RIPOR2: variants seen among roughly 807,000 people sequenced by gnomAD.
The protein encoded by RIPOR2 is rho family-interacting cell polarization regulator 2.
A neutral mutation model predicts 114.5 loss-of-function variants in RIPOR2; 39 were observed. The observed-to-expected ratio is 0.34, with a 90% CI of 0.26 to 0.44. RIPOR2 has a LOEUF of 0.44. Among genes scored for constraint, RIPOR2 ranks in the 20% least tolerant of loss-of-function variants. RIPOR2 has a pLI of 1.00. For missense variants in RIPOR2, 1,007 were observed against 1,255.1 expected (o/e 0.80, Z 2.99); for synonymous variants, 445 against 484.4 (o/e 0.92, Z 1.07).
chr6:25,004,672 C>G (rs1050414377), intron 1 of RIPOR2, among the ~76,000 whole-genome samples: 1 of 152,162 alleles, frequency 6.6e-6, no homozygotes, highest in Non-Finnish European at 1.5e-5. Flanking sequence ...GAACTGGAGG[C>G]AGAAAACTGA....
chr6:24,969,316 C>T (rs140680906), intron 1 of RIPOR2, among the ~76,000 whole-genome samples: 9 of 152,304 alleles, frequency 5.9e-5, no homozygotes, highest in Admixed American at 3.9e-4. Flanking sequence ...GAAATGCAGA[C>T]TCTCAGGCCC....
At chr6:24,860,420 T>C (rs370723487) in intron 8 of RIPOR2, among the ~76,000 whole-genome samples, 16 of 152,300 alleles carry the variant, frequency 1.1e-4, no homozygotes, top group Middle Eastern at 3.4e-3. Flanking sequence ...GGGATCCTAA[T>C]TTGAACTAAT....
intron 17 of RIPOR2, 141 bp downstream of exon 17, chr6:24,830,366 TAC>T: frequency 1.6e-6 from 1 of 644,162 alleles, no homozygotes; most frequent in South Asian, 1.9e-5. Context: ...CCCTGGACAG[TAC>T]ACTTCTTTTT....
At chr6:24,889,271 G>T (rs926685278) in intron 1 of RIPOR2, among the ~76,000 whole-genome samples, 3 of 152,124 alleles carry the variant, frequency 2.0e-5, no homozygotes, top group African/African-American at 7.2e-5. Flanking sequence ...GAAGGTTAAA[G>T]AATTTATGTG....
At chr6:24,927,209 C>T (rs1337898213) in intron 1 of RIPOR2, among the ~76,000 whole-genome samples, 177 of 4,572 alleles carry the variant, frequency 0.039, 74 homozygotes, top group Admixed American at 0.15. Flanking sequence ...ACAAGCACCA[C>T]CACCACCACT....
chr6:24,888,093 A>G (rs912798641), intron 1 of RIPOR2, among the ~76,000 whole-genome samples: 3 of 152,196 alleles, frequency 2.0e-5, no homozygotes, highest in African/African-American at 7.2e-5. Flanking sequence ...TGTAATAATA[A>G]GTACATTTAC....
intron 13 of RIPOR2, chr6:24,839,784 C>T: frequency 1.5e-6 from 2 of 1,378,040 alleles, no homozygotes; most frequent in African/African-American, 1.5e-5. Context: ...ACTGACCAAT[C>T]TCTAATTCCA....
At chr6:24,984,831 C>A (rs1317694040) in intron 1 of RIPOR2, among the ~76,000 whole-genome samples, 1 of 152,080 alleles carries the variant, frequency 6.6e-6, no homozygotes, top group African/African-American at 2.4e-5. Flanking sequence ...GAAAAGAGGG[C>A]CTTATGGTCC....
rs6940388 is a variant in RIPOR2 at position 25,035,572 on chromosome 6, G to A, written c.76+6279C>T. ...GGGACACTTGGGTGCTTGTATCCACGCTGAAAAGCTAAATCTGCAACCGTA... is the reference window on the plus strand; with the variant it reads ...GGGACACTTGGGTGCTTGTATCCACACTGAAAAGCTAAATCTGCAACCGTA... On this transcript the variant is annotated intron_variant, in intron 1 of 13. Transcript: ENST00000510784. 3.1e-3 allele frequency among the ~76,000 whole-genome samples: 466 copies of A among 152,314 alleles called. 2 individuals are homozygous for A. Among genetic ancestry groups the A allele is most frequent in the African/African-American group, 0.011 (443 of 41,564 alleles).
At chr6:25,000,215 C>T (rs377723677) in intron 1 of RIPOR2, among the ~76,000 whole-genome samples, 1 of 152,182 alleles carries the variant, frequency 6.6e-6, no homozygotes, top group South Asian at 2.1e-4. Flanking sequence ...TTAGAGGTTG[C>T]TTCCTCCAGG....
At chr6:24,910,771 T>A (rs1484198754) in intron 1 of RIPOR2, 2 of 980,714 alleles carry the variant, frequency 2.0e-6, no homozygotes, top group African/African-American at 1.8e-5. Flanking sequence ...CACCGCGTTG[T>A]ACGCAAAATC....
intron 1 of RIPOR2, among the ~76,000 whole-genome samples, chr6:24,972,479 A>T (rs990044286): frequency 6.6e-6 from 1 of 152,208 alleles, no homozygotes; most frequent in African/African-American, 2.4e-5. Context: ...ATTACGTTAG[A>T]AGAACAGTTG....
At chr6:24,965,226 C>T (rs530398972) in intron 1 of RIPOR2, among the ~76,000 whole-genome samples, 4 of 152,136 alleles carry the variant, frequency 2.6e-5, no homozygotes, top group South Asian at 2.1e-4. Context: ...CAGCCTCCAC[C>T]TCCCAAGCTC....
chr6:25,015,873 C>T (rs977278214), intron 1 of RIPOR2: 12 of 145,928 alleles, frequency 8.2e-5, no homozygotes, highest in Non-Finnish European at 1.3e-4. Context: ...GGAAAGCCTC[C>T]CCTTAAAAAC....
intron 1 of RIPOR2, among the ~76,000 whole-genome samples, chr6:25,005,694 G>GATGTAT (rs35104341): frequency 2.2e-5 from 1 of 45,378 alleles, no homozygotes; most frequent in Non-Finnish European, 5.7e-5. Context: ...TCCCTATGGA[G>GATGTAT]ATATATATAT....
chr6:25,013,841 C>T (rs1048701731), intron 1 of RIPOR2, among the ~76,000 whole-genome samples: 1 of 152,186 alleles, frequency 6.6e-6, no homozygotes, highest in African/African-American at 2.4e-5. Flanking sequence ...ACAATAGGCA[C>T]ACTGAATTTA....
At chr6:24,967,096 C>T (rs1408665115) in intron 1 of RIPOR2, among the ~76,000 whole-genome samples, 2 of 152,178 alleles carry the variant, frequency 1.3e-5, no homozygotes, top group Non-Finnish European at 2.9e-5. Context: ...CCATTGGGAA[C>T]TGGTACATAA....
At chr6:24,961,986 CAT>C (rs762087911) in intron 1 of RIPOR2, among the ~76,000 whole-genome samples, 1 of 152,104 alleles carries the variant, frequency 6.6e-6, no homozygotes, top group Non-Finnish European at 1.5e-5. Context: ...CCTCATTACA[CAT>C]GTGAAGAAAG....
At chr6:24,914,057 G>A (rs180800417) in intron 1 of RIPOR2, among the ~76,000 whole-genome samples, 5 of 152,240 alleles carry the variant, frequency 3.3e-5, no homozygotes, top group Admixed American at 6.5e-5. Flanking sequence ...CCTAATGGCC[G>A]GGCATGGTGG....
Sources: allele counts gnomAD v4.1 joint callset (sites outside exome capture counted in the v4.1 genomes callset), GRCh38; gene constraint gnomAD v4.1.1; transcripts MANE v1.5; gene names NCBI Gene and HGNC (gene_info 2026-07-23, HGNC 2026-07-21).